CADM2: variants seen among roughly 807,000 people sequenced by gnomAD.
CADM2 encodes cell adhesion molecule 2.
A neutral mutation model predicts 49.8 loss-of-function variants in CADM2; 12 were observed. The ratio of observed to expected loss-of-function variants is 0.24; its 90% CI spans 0.15 to 0.39. CADM2 has a LOEUF of 0.39. CADM2 is among the 10% of genes least tolerant of loss of function. CADM2 has a pLI of 1.00. For synonymous variants in CADM2, 214 were observed against 175.4 expected (o/e 1.22, Z -1.74); for missense variants, 378 against 492.3 (o/e 0.77, Z 2.20).
At chr3:85,050,717 G>A (rs1559635529) in intron 1 of CADM2, among the ~76,000 whole-genome samples, 2 of 152,214 alleles carry the variant, frequency 1.3e-5, no homozygotes, top group East Asian at 3.9e-4. Context: ...TGCCACAAGC[G>A]ATATCTGCAC....
chr3:85,297,823 A>G (rs1187155459), intron 1 of CADM2, among the ~76,000 whole-genome samples: 1 of 152,056 alleles, frequency 6.6e-6, no homozygotes, highest in East Asian at 1.9e-4. Flanking sequence ...TTTTTCCCAA[A>G]TGGAATATAA....
At chr3:85,854,632 G>T (rs529399735) in intron 3 of CADM2, among the ~76,000 whole-genome samples, 5 of 152,194 alleles carry the variant, frequency 3.3e-5, no homozygotes, top group Non-Finnish European at 5.9e-5. Flanking sequence ...CCTGTCAGGG[G>T]TTGGGGGTCA....
intron 1 of CADM2, among the ~76,000 whole-genome samples, chr3:85,537,470 G>C (rs2061447058): frequency 7.2e-6 from 1 of 139,460 alleles, no homozygotes; most frequent in Non-Finnish European, 1.6e-5. Context: ...GATTGGTCAA[G>C]TACAAGTACG....
At chr3:85,563,534 G>A (rs927725979) in intron 1 of CADM2, among the ~76,000 whole-genome samples, 14 of 151,884 alleles carry the variant, frequency 9.2e-5, no homozygotes, top group African/African-American at 3.4e-4. Flanking sequence ...TTTGTGTGTA[G>A]GCCAGCATGA....
chr3:85,631,434 A>G (rs1021485657), intron 1 of CADM2, among the ~76,000 whole-genome samples: 20 of 152,118 alleles, frequency 1.3e-4, no homozygotes, highest in African/African-American at 4.8e-4. Context: ...AGGTTGAAAT[A>G]ACATTCATGT....
intron 1 of CADM2, among the ~76,000 whole-genome samples, chr3:85,468,643 T>C (rs747442251): frequency 1.8e-4 from 27 of 152,174 alleles, no homozygotes; most frequent in Non-Finnish European, 3.4e-4. Flanking sequence ...AATTAGCCTA[T>C]AGTATAAATT....
intron 1 of CADM2, among the ~76,000 whole-genome samples, chr3:85,353,128 T>C (rs1266160205): frequency 6.6e-6 from 1 of 152,150 alleles, no homozygotes. Context: ...GATTATTTTT[T>C]CTTATTTTTT....
chr3:85,392,669 A>T (rs933503340), intron 1 of CADM2, among the ~76,000 whole-genome samples: 1 of 152,128 alleles, frequency 6.6e-6, no homozygotes, highest in Non-Finnish European at 1.5e-5. Context: ...TGGTCAATAC[A>T]GTATAAAAAG....
chr3:84,993,258 T>G (rs549586098), intron 1 of CADM2, among the ~76,000 whole-genome samples: 2 of 151,960 alleles, frequency 1.3e-5, no homozygotes, highest in East Asian at 3.9e-4. Context: ...AGGATAGGAG[T>G]GTGCATAGCT....
chr3:85,883,782 CAT>C (rs1237592101), intron 4 of CADM2, among the ~76,000 whole-genome samples: 6 of 152,256 alleles, frequency 3.9e-5, no homozygotes, highest in African/African-American at 1.4e-4. Flanking sequence ...CCTTTTACGA[CAT>C]GACACAATAA....
At chr3:85,155,268 A>G (rs1013579157) in intron 1 of CADM2, among the ~76,000 whole-genome samples, 1 of 148,374 alleles carries the variant, frequency 6.7e-6, no homozygotes, top group Admixed American at 6.7e-5. Context: ...ATGGAAAACA[A>G]AAAAAGGCAG....
At chr3:85,869,046 C>T (rs189450193) in intron 3 of CADM2, among the ~76,000 whole-genome samples, 273 of 152,068 alleles carry the variant, frequency 1.8e-3, no homozygotes, top group African/African-American at 5.8e-3. Context: ...TTTTTTGTAG[C>T]AAATTCTATA....
intron 1 of CADM2, among the ~76,000 whole-genome samples, chr3:85,546,164 A>G (rs1182789829): frequency 6.6e-6 from 1 of 152,174 alleles, no homozygotes; most frequent in Admixed American, 6.5e-5. Flanking sequence ...CTTCCTAAGA[A>G]GGTGATCTGA....
chr3:85,981,201 C>CT (rs1297468611), intron 8 of CADM2, among the ~76,000 whole-genome samples: 1 of 151,262 alleles, frequency 6.6e-6, no homozygotes, highest in Non-Finnish European at 1.5e-5. Context: ...AAATATCTAT[C>CT]TATCTATGTA....
intron 1 of CADM2, among the ~76,000 whole-genome samples, chr3:85,377,095 T>C (rs1476735157): frequency 6.6e-6 from 1 of 152,138 alleles, no homozygotes; most frequent in Non-Finnish European, 1.5e-5. Flanking sequence ...TAATAAGAGC[T>C]TATACTAATG....
At chr3:85,299,765 T>C (rs566622681) in intron 1 of CADM2, among the ~76,000 whole-genome samples, 1 of 152,184 alleles carries the variant, frequency 6.6e-6, no homozygotes, top group East Asian at 1.9e-4. Flanking sequence ...TTTTCTTCTT[T>C]TCTGAAGCAT....
At chr3:85,495,263 CTT>C (rs1282165221) in intron 1 of CADM2, among the ~76,000 whole-genome samples, 3 of 152,080 alleles carry the variant, frequency 2.0e-5, no homozygotes, top group Non-Finnish European at 4.4e-5. Context: ...CCATGAATAA[CTT>C]TATTCACTCT....
At position 85,036,997 on chromosome 3, in the gene CADM2, GAAAAAAAAAAA is replaced by G. The variant is rs10566030; in HGVS notation, c.61+77341_61+77351del. ...TGAAACCCCGTCTCTACTAAAAATAGAAAAAAAAAAAAAAAAAAAAAACTTAGCTGGTTGTG... is the reference window on the plus strand; with the variant it reads ...TGAAACCCCGTCTCTACTAAAAATAGAAAAAAAAAAACTTAGCTGGTTGTG... On this transcript the variant is annotated intron_variant, in intron 1 of 9. Coordinates refer to ENST00000383699, the MANE Select transcript of CADM2 (RefSeq NM_001167675.2). Among the ~76,000 whole-genome samples the G allele has an allele frequency of 5.1e-5, 4 of 78,014 alleles. No homozygotes were observed. The East Asian group carries it at 1.5e-3, about 28-fold the overall frequency. 51.2% of individuals were successfully genotyped at this position (78,014 alleles called of 152,430 possible).
intron 1 of CADM2, among the ~76,000 whole-genome samples, chr3:85,024,634 A>G (rs1026191017): frequency 4.0e-5 from 6 of 151,514 alleles, no homozygotes; most frequent in Admixed American, 6.6e-5. Context: ...ATCGATTTAC[A>G]GTCAGAGGGA....
Sources: gnomAD v4.1 joint callset for allele counts (sites outside exome capture counted in the v4.1 genomes callset) on GRCh38, gnomAD v4.1.1 for gene constraint, MANE v1.5 for transcripts, NCBI Gene and HGNC (gene_info 2026-07-23, HGNC 2026-07-21) for gene names.